The following OR4S2 variants were observed in gnomAD, a reference collection of about 807,000 sequenced individuals.
OR4S2 encodes olfactory receptor family 4 subfamily S member 2.
Under a neutral mutation model 15.1 loss-of-function variants are expected in OR4S2, and 16 were observed. The ratio of observed to expected loss-of-function variants is 1.06; its 90% CI spans 0.72 to 1.61. The LOEUF is 1.61. Among genes scored for constraint, OR4S2 ranks in the 40% most tolerant of loss-of-function variants. OR4S2 has a pLI of 0.00. For missense variants in OR4S2, 362 were observed against 379.6 expected (o/e 0.95, Z 0.38); for synonymous variants, 133 against 136.3 (o/e 0.98, Z 0.17).
In OR4S2 at chr11:55,651,880, C is replaced by G; in HGVS notation, c.*41C>G. 9.7e-7 allele frequency: 1 copy of G among 1,033,412 alleles called. No individual in the cohort carries two copies. Among genetic ancestry groups the G allele is most frequent in the South Asian group, 1.6e-5 (1 of 62,776 alleles). The allele number at this position is 1,033,412 out of a possible 1,614,324, so 64.0% of individuals were successfully genotyped here. ...TAAGCTAGATGACCTTAAAATTTCT[C>G]AGCCTTGGTTAACTCATCTGTGCAA... On this transcript the variant is annotated 3_prime_UTR_variant, in exon 2 of 2. Transcript: ENST00000641692.
In OR4S2 at chr11:55,650,851, T is replaced by C; in HGVS notation, c.-36-17T>C. 2 of 842,978 alleles carry C rather than the reference T, an allele frequency of 2.4e-6. No individual in the cohort carries two copies. Among genetic ancestry groups the C allele is most frequent in the Non-Finnish European group, 3.6e-6 (2 of 549,074 alleles). 52.2% of individuals were successfully genotyped at this position (842,978 alleles called of 1,614,324 possible). On this transcript the variant is annotated splice_polypyrimidine_tract_variant and intron_variant, in intron 1 of 1. Coordinates refer to ENST00000641692, the MANE Select transcript of OR4S2 (RefSeq NM_001004059.3). ...AATAAAATAAATACAGTCCTTTTTA[T>C]GTTTTCTTTTTTTCAGGTAATTTAA...
chr11:55,651,708 G>T lies in OR4S2; in HGVS notation c.805G>T (p.Val269Leu). The T allele has an allele frequency of 1.4e-6, 2 of 1,479,490 alleles. No individual in the cohort carries two copies. The highest frequency in any genetic ancestry group is 1.8e-6 in the Non-Finnish European group (2 of 1,085,174). The allele number at this position is 1,479,490 out of a possible 1,614,324, so 91.6% of individuals were successfully genotyped here. The change falls in exon 2 of 2, where the codon GTG (valine) becomes TTG (leucine). Residue 269 changes from valine to leucine, a missense_variant. Coordinates refer to ENST00000641692, the MANE Select transcript of OR4S2 (RefSeq NM_001004059.3). ...PDTTFSEDKM[V>L]AVFYTIITPM... Reference sequence around the variant, plus strand: ...TACGACCTTTTCAGAGGATAAGATGGTGGCTGTATTTTACACCATTATCAC... The same window carrying T: ...TACGACCTTTTCAGAGGATAAGATGTTGGCTGTATTTTACACCATTATCAC...
rs1367411066 is a variant in OR4S2, at chr11:55,649,748, G to A, written c.-36-1120G>A. On this transcript the variant is annotated intron_variant, in intron 1 of 1. Transcript: ENST00000641692. ...CCAGAAATATAAATCGACCAAATTG[G>A]GAGAATGAATATGGCCAGAATAAAA... is the stretch of plus-strand genomic sequence containing the variant. Among the ~76,000 whole-genome samples, 3 of 138,638 alleles carry A rather than the reference G, an allele frequency of 2.2e-5. 1 individual carries two copies. The highest frequency in any genetic ancestry group is 7.5e-5 in the African/African-American group (3 of 39,954). 91.0% of individuals were successfully genotyped at this position (138,638 alleles called of 152,430 possible).
chr11:55,651,812 T>A lies in OR4S2; in HGVS notation c.909T>A (p.Asn303Lys). The A allele has an allele frequency of 9.7e-6, 14 of 1,437,090 alleles. 3 individuals are homozygous for A. The highest frequency in any genetic ancestry group is 1.3e-5 in the Non-Finnish European group (14 of 1,052,028). 89.0% of individuals were successfully genotyped at this position (1,437,090 alleles called of 1,614,324 possible). ...KNAMKKLWGR[N>K]VFLEAKGK ...CAATGAAGAAACTGTGGGGCAGAAA[T>A]GTTTTCTTGGAGGCTAAAGGGAAAT... Residue 303 changes from asparagine to lysine, a missense_variant, in exon 2 of 2, where the codon AAT becomes AAA. Transcript: ENST00000641692.
Position 55,651,922 on chromosome 11 carries a change from C to T in OR4S2, c.*83C>T. On this transcript the variant is annotated 3_prime_UTR_variant, in exon 2 of 2. Coordinates refer to ENST00000641692, the MANE Select transcript of OR4S2 (RefSeq NM_001004059.3). ...TCTGTGCAATCAAGACAATAACAAC[C>T]TCATGGGATTTGGAGTGGAAAAATG... 1 of 641,260 alleles carries T rather than the reference C, an allele frequency of 1.6e-6. No homozygotes were observed. The highest frequency in any genetic ancestry group is 2.6e-6 in the Non-Finnish European group (1 of 382,046). 39.7% of individuals were successfully genotyped at this position (641,260 alleles called of 1,614,324 possible).
At chr11:55,650,358 A>G (rs1858547707) in intron 1 of OR4S2, among the ~76,000 whole-genome samples, 3 of 138,998 alleles carry the variant, frequency 2.2e-5, no homozygotes, top group Non-Finnish European at 4.8e-5. Flanking sequence ...GAGTGGTTAA[A>G]CTTGCAGAGA....
chr11:55,649,217 G>T (rs1261698871), intron 1 of OR4S2, among the ~76,000 whole-genome samples: 1 of 138,288 alleles, frequency 7.2e-6, no homozygotes, highest in Admixed American at 7.9e-5. Flanking sequence ...CAGGATAACT[G>T]AAGAGGAATG....
In OR4S2 at chr11:55,651,187, G is replaced by A; in HGVS notation, c.284G>A (p.Cys95Tyr). 1 of 1,486,262 alleles carries A rather than the reference G, an allele frequency of 6.7e-7. No individual in the cohort carries two copies. The highest frequency in any genetic ancestry group is 9.2e-7 in the Non-Finnish European group (1 of 1,091,296). 92.1% of individuals were successfully genotyped at this position (1,486,262 alleles called of 1,614,324 possible). A position where few individuals can be genotyped will look rare whatever the true frequency, so the allele number is the denominator to read the frequency against. ...GACAAAACCATCTCCTATGTGGGGT[G>A]CATGTTGCAACTGTTTGGAGTACAT... ...AKDKTISYVG[C>Y]MLQLFGVHFF... The change falls in exon 2 of 2, where the codon TGC (cysteine) becomes TAC (tyrosine). Residue 95 changes from cysteine (C) to tyrosine (Y), a missense_variant. Coordinates refer to ENST00000641692, the MANE Select transcript of OR4S2 (RefSeq NM_001004059.3).
At position 55,651,619 on chromosome 11, in the gene OR4S2, G is replaced by A. The variant is rs761460596; in HGVS notation, c.716G>A (p.Gly239Asp). The change falls in exon 2 of 2, where the codon GGC becomes GAC. Residue 239 changes from glycine (G) to aspartate (D), a missense_variant. Coordinates refer to ENST00000641692, the MANE Select transcript of OR4S2 (RefSeq NM_001004059.3). ...AGGCGCAAAGCCCTCTCCACCTGTG[G>A]CTCCCACATTGCCATGGTCGTTATC... ...EGRRKALSTCGSHIAMVVIFF... is the reference protein window; with the variant it reads ...EGRRKALSTCDSHIAMVVIFF... 2 of 1,490,368 alleles carry A rather than the reference G, an allele frequency of 1.3e-6. No homozygotes were observed. Among genetic ancestry groups the A allele is most frequent in the South Asian group, 1.2e-5 (1 of 84,852 alleles). The allele number at this position is 1,490,368 out of a possible 1,614,324, so 92.3% of individuals were successfully genotyped here.
rs932563549 is a variant in OR4S2 at position 55,650,646 on chromosome 11, A to G, written c.-36-222A>G. On this transcript the variant is annotated intron_variant, in intron 1 of 1. Coordinates refer to ENST00000641692, the MANE Select transcript of OR4S2 (RefSeq NM_001004059.3). ...AGGCATGTGGTAACATATATATGAGATTGAGGGGATTTACTTTATCTCTCT... is the reference window on the plus strand; with the variant it reads ...AGGCATGTGGTAACATATATATGAGGTTGAGGGGATTTACTTTATCTCTCT... Among the ~76,000 whole-genome samples, 30 of 138,422 alleles carry G rather than the reference A, an allele frequency of 2.2e-4. 3 individuals carry two copies. The highest frequency in any genetic ancestry group is 7.2e-4 in the African/African-American group (29 of 40,010). The allele number at this position is 138,422 out of a possible 152,430, so 90.8% of individuals were successfully genotyped here. A position where few individuals can be genotyped will look rare whatever the true frequency, so the allele number is the denominator to read the frequency against.
chr11:55,650,956 G>T lies in OR4S2; in HGVS notation c.53G>T (p.Ser18Ile), dbSNP rs1380360716. ...TEFIFWGLSQSPEIEKVCFVV... is the reference protein window; with the variant it reads ...TEFIFWGLSQIPEIEKVCFVV... ...TTCATTTTCTGGGGTCTTTCTCAGA[G>T]CCCAGAGATTGAGAAAGTTTGTTTT... Residue 18 changes from serine (S) to isoleucine (I), a missense_variant, in exon 2 of 2, where the codon AGC (serine) becomes ATC (isoleucine). Transcript: ENST00000641692. 6.8e-7 allele frequency: 1 copy of T among 1,468,632 alleles called. No homozygotes were observed. The highest frequency in any genetic ancestry group is 1.4e-5 in the African/African-American group (1 of 72,336). 91.0% of individuals were successfully genotyped at this position (1,468,632 alleles called of 1,614,324 possible).
chr11:55,651,219 G>C lies in OR4S2; in HGVS notation c.316G>C (p.Gly106Arg), dbSNP rs762539945. 1 of 1,478,932 alleles carries C rather than the reference G, an allele frequency of 6.8e-7. No homozygotes were observed. Among genetic ancestry groups the C allele is most frequent in the East Asian group, 2.6e-5 (1 of 38,670 alleles). The allele number at this position is 1,478,932 out of a possible 1,614,324, so 91.6% of individuals were successfully genotyped here. A position where few individuals can be genotyped will look rare whatever the true frequency, so the allele number is the denominator to read the frequency against. The change falls in exon 2 of 2, where the codon GGT becomes CGT. Residue 106 changes from glycine to arginine, a missense_variant. By Grantham distance (125) the Gly-to-Arg change is moderately radical. Transcript: ENST00000641692. Reference protein sequence around the residue: ...MLQLFGVHFFGCTEIFILTVM... With the variant: ...MLQLFGVHFFRCTEIFILTVM... ...GCAACTGTTTGGAGTACATTTCTTT[G>C]GTTGCACTGAGATCTTCATCCTTAC...
intron 1 of OR4S2, among the ~76,000 whole-genome samples, chr11:55,649,358 T>G (rs1305328310): frequency 7.2e-6 from 1 of 138,250 alleles, no homozygotes; most frequent in African/African-American, 2.5e-5. Context: ...CTAACATGAA[T>G]ACCTGAAGAA....
rs1311186202 is a variant in OR4S2 at position 55,652,849 on chromosome 11, T to C, written c.*1010T>C. The stretch of plus-strand genomic sequence containing the variant: ...GTATTTCCTGTTTGCTTTTTTGTCA[T>C]TGTGGATTAACATATAATTTCTATT... On this transcript the variant is annotated 3_prime_UTR_variant, in exon 2 of 2. Coordinates refer to ENST00000641692, the MANE Select transcript of OR4S2 (RefSeq NM_001004059.3). The C allele has an allele frequency of 1.4e-5, 2 of 139,318 alleles. No individual in the cohort carries two copies. The highest frequency in any genetic ancestry group is 3.2e-5 in the Non-Finnish European group (2 of 62,552). 8.6% of individuals were successfully genotyped at this position (139,318 alleles called of 1,614,324 possible).
chr11:55,651,649 T>C lies in OR4S2; in HGVS notation c.746T>C (p.Phe249Ser). Residue 249 changes from phenylalanine (F) to serine (S), a missense_variant, in exon 2 of 2, where the codon TTC becomes TCC. By Grantham distance (155) the Phe-to-Ser change is radical. Transcript: ENST00000641692. Reference sequence around the variant, plus strand: ...CACATTGCCATGGTCGTTATCTTTTTCGGCCCCTGTACTTTTATGTACATG... The same window carrying C: ...CACATTGCCATGGTCGTTATCTTTTCCGGCCCCTGTACTTTTATGTACATG... ...GSHIAMVVIF[F>S]GPCTFMYMRP... 2 of 1,493,058 alleles carry C rather than the reference T, an allele frequency of 1.3e-6. 1 individual carries two copies. Among genetic ancestry groups the C allele is most frequent in the South Asian group, 2.4e-5 (2 of 84,904 alleles). 92.5% of individuals were successfully genotyped at this position (1,493,058 alleles called of 1,614,324 possible).
intron 1 of OR4S2, 48 bp downstream of exon 1, chr11:55,648,598 AAG>A (rs1375711140): frequency 7.2e-6 from 1 of 138,228 alleles, no homozygotes. Context: ...TTTGTGGAAA[AAG>A]ATAATTAAAT....
chr11:55,650,941 G>A lies in OR4S2; in HGVS notation c.38G>A (p.Trp13Ter), dbSNP rs1290638701. 6.9e-7 allele frequency: 1 copy of A among 1,454,610 alleles called. No individual in the cohort carries two copies. Among genetic ancestry groups the A allele is most frequent in the Non-Finnish European group, 9.4e-7 (1 of 1,064,982 alleles). 90.1% of individuals were successfully genotyped at this position (1,454,610 alleles called of 1,614,324 possible). ...KINNVTEFIF[W>*]GLSQSPEIEK... is the part of the protein sequence containing the mutation. ...AACAACGTAACTGAATTCATTTTCT[G>A]GGGTCTTTCTCAGAGCCCAGAGATT... is the stretch of plus-strand genomic sequence containing the variant. Residue 13 changes from tryptophan to a stop codon, truncating the protein, a stop_gained, in exon 2 of 2, where the codon TGG (tryptophan) becomes TAG (stop). Coordinates refer to ENST00000641692, the MANE Select transcript of OR4S2 (RefSeq NM_001004059.3). LOFTEE classifies it high-confidence loss of function.
Position 55,652,136 on chromosome 11 carries a change from T to G in OR4S2, c.*297T>G. ...GAGGACAGATTTCTATTACCCTACC[T>G]TGCTATTCACTGGTTTTATCATCAT... On this transcript the variant is annotated 3_prime_UTR_variant, in exon 2 of 2. Transcript: ENST00000641692. 5.7e-6 allele frequency: 1 copy of G among 175,922 alleles called. No homozygotes were observed. Among genetic ancestry groups the G allele is most frequent in the Non-Finnish European group, 1.1e-5 (1 of 87,074 alleles). 10.9% of individuals were successfully genotyped at this position (175,922 alleles called of 1,614,324 possible).
At position 55,651,643 on chromosome 11, in the gene OR4S2, T is replaced by A. The variant is rs764332054; in HGVS notation, c.740T>A (p.Ile247Asn). The change falls in exon 2 of 2, where the codon ATC becomes AAC. Residue 247 changes from isoleucine to asparagine, a missense_variant. Physicochemically the swap from Ile to Asn is moderately radical, Grantham distance 149. Coordinates refer to ENST00000641692, the MANE Select transcript of OR4S2 (RefSeq NM_001004059.3). ...TCGSHIAMVV[I>N]FFGPCTFMYM... ...GGCTCCCACATTGCCATGGTCGTTA[T>A]CTTTTTCGGCCCCTGTACTTTTATG... 8.7e-6 allele frequency: 13 copies of A among 1,492,654 alleles called. 3 individuals are homozygous for A. The South Asian group carries it at 1.5e-4, about 18-fold the overall frequency. The allele number at this position is 1,492,654 out of a possible 1,614,324, so 92.5% of individuals were successfully genotyped here.
Sources: allele counts gnomAD v4.1 joint callset (sites outside exome capture counted in the v4.1 genomes callset), GRCh38; gene constraint gnomAD v4.1.1; transcripts MANE v1.5; gene names NCBI Gene and HGNC (gene_info 2026-07-23, HGNC 2026-07-21).